MTHFS: variants seen among roughly 807,000 people sequenced by gnomAD.
MTHFS encodes 5-formyltetrahydrofolate cyclo-ligase.
MTHFS carries 7 observed loss-of-function variants against 12.7 expected under a neutral mutation model. The ratio of observed to expected loss-of-function variants is 0.55; its 90% CI spans 0.31 to 1.03. The LOEUF (loss-of-function observed/expected upper bound fraction) is 1.03. Ranked by LOEUF, MTHFS falls within the 50% of genes least tolerant of loss-of-function variation. The pLI is 0.05. For synonymous variants in MTHFS, 100 were observed against 97.1 expected (o/e 1.03, Z -0.18); for missense variants, 252 against 258.1 (o/e 0.98, Z 0.16).
chr15:79,874,681 G>T (rs547940993), intron 2 of MTHFS, among the ~76,000 whole-genome samples: 1 of 152,204 alleles, frequency 6.6e-6, no homozygotes, highest in South Asian at 2.1e-4. Flanking sequence ...GGAAAAACTG[G>T]GGAAGAAGAT....
chr15:79,896,075 T>C (rs1162494252), intron 1 of MTHFS, among the ~76,000 whole-genome samples: 1 of 152,204 alleles, frequency 6.6e-6, no homozygotes, highest in Non-Finnish European at 1.5e-5. Flanking sequence ...TAAAAATACA[T>C]AGCAGTGCAG....
chr15:79,846,767 G>C (rs1171170656), intron 2 of MTHFS, among the ~76,000 whole-genome samples: 1 of 152,218 alleles, frequency 6.6e-6, no homozygotes, highest in Non-Finnish European at 1.5e-5. Flanking sequence ...GGGATTGACA[G>C]TGGACTGTGA....
At chr15:79,861,094 G>A (rs1345348703) in intron 2 of MTHFS, among the ~76,000 whole-genome samples, 2 of 152,138 alleles carry the variant, frequency 1.3e-5, no homozygotes, top group East Asian at 1.9e-4. Context: ...TATATGCACT[G>A]GCATTGTACT....
intron 2 of MTHFS, among the ~76,000 whole-genome samples, chr15:79,880,543 G>A (rs959574941): frequency 2.6e-5 from 4 of 151,740 alleles, no homozygotes; most frequent in African/African-American, 9.7e-5. Flanking sequence ...ACTTTAAAAA[G>A]GATATTTAAG....
At position 79,882,124 on chromosome 15, in the gene MTHFS, C is replaced by T. The variant is rs949066173; in HGVS notation, c.379+6969G>A. ...AAAGTTCAAATACAATTAGTGAGAA[C>T]GATTTTTGTTAAGCTAAAGAAACAC... On this transcript the variant is annotated intron_variant, in intron 2 of 2. Coordinates refer to ENST00000258874, the MANE Select transcript of MTHFS (RefSeq NM_006441.4). Among the ~76,000 whole-genome samples the T allele has an allele frequency of 3.9e-5, 6 of 152,154 alleles. No homozygotes were observed. In the South Asian group the frequency reaches 6.2e-4, roughly 16 times the overall value.
At chr15:79,867,858 T>C (rs2034038921) in intron 2 of MTHFS, among the ~76,000 whole-genome samples, 1 of 152,162 alleles carries the variant, frequency 6.6e-6, no homozygotes, top group South Asian at 2.1e-4. Flanking sequence ...CTCCAGTCAA[T>C]ACAGAGACCT....
In MTHFS at chr15:79,875,656, C is replaced by T. The variant is rs571219994; in HGVS notation, c.379+13437G>A. 3.3e-5 allele frequency among the ~76,000 whole-genome samples: 5 copies of T among 152,146 alleles called. No individual in the cohort carries two copies. In the East Asian group the frequency reaches 9.6e-4, roughly 29 times the overall value. On this transcript the variant is annotated intron_variant, in intron 2 of 2. Coordinates refer to ENST00000258874, the MANE Select transcript of MTHFS (RefSeq NM_006441.4). ...AAACGGAGGCATAAATCTTCATGAC[C>T]TTGGATTAGGCAATGGTTTCTTAGC... is the stretch of plus-strand genomic sequence containing the variant.
At chr15:79,884,798 C>G (rs976012824) in intron 2 of MTHFS, among the ~76,000 whole-genome samples, 1 of 152,100 alleles carries the variant, frequency 6.6e-6, no homozygotes, top group Non-Finnish European at 1.5e-5. Flanking sequence ...GCTAAAAGTT[C>G]AATAAAAAGT....
intron 1 of MTHFS, 111 bp from the exon 2 acceptor site, chr15:79,889,465 G>C: frequency 0.01 from 5,775 of 563,130 alleles, no homozygotes; most frequent in Non-Finnish European, 0.014. Context: ...ATATTAAAAA[G>C]AAAAAAAAAG....
Position 79,869,232 on chromosome 15 carries a change from T to C in MTHFS, c.379+19861A>G, listed in dbSNP as rs567152105. On this transcript the variant is annotated intron_variant, in intron 2 of 2. Coordinates refer to ENST00000258874, the MANE Select transcript of MTHFS (RefSeq NM_006441.4). ...ACTTTGTTGTGGTATTTAATTACTA[T>C]TTTAAAAGTTAAATTCTATATCTCT... Among the ~76,000 whole-genome samples the C allele has an allele frequency of 6.5e-4, 99 of 152,350 alleles. 2 individuals carry two copies. Among genetic ancestry groups the C allele is most frequent in the Admixed American group, 9.8e-4 (15 of 15,306 alleles).
chr15:79,880,373 C>T (rs920322968), intron 2 of MTHFS, among the ~76,000 whole-genome samples: 3 of 152,044 alleles, frequency 2.0e-5, no homozygotes, highest in African/African-American at 7.2e-5. Flanking sequence ...AGCCACTGCG[C>T]CCGGCCTCTG....
chr15:79,896,264 C>G (rs1256542068), intron 1 of MTHFS, among the ~76,000 whole-genome samples: 1 of 152,224 alleles, frequency 6.6e-6, no homozygotes, highest in African/African-American at 2.4e-5. Flanking sequence ...ACAGGAAAAG[C>G]CTAGGCCCTG....
At chr15:79,865,642 G>A (rs916804565) in intron 2 of MTHFS, among the ~76,000 whole-genome samples, 1 of 152,164 alleles carries the variant, frequency 6.6e-6, no homozygotes, top group Non-Finnish European at 1.5e-5. Flanking sequence ...GACCACCTCA[G>A]CCCTCATCCC....
chr15:79,894,209 C>T (rs1446052966), intron 1 of MTHFS, among the ~76,000 whole-genome samples: 4 of 152,026 alleles, frequency 2.6e-5, no homozygotes, highest in African/African-American at 4.8e-5. Flanking sequence ...GGTGAAACCC[C>T]GTCTCTACTA....
At chr15:79,851,998 T>C (rs1015061960) in intron 2 of MTHFS, among the ~76,000 whole-genome samples, 4 of 152,172 alleles carry the variant, frequency 2.6e-5, no homozygotes, top group Non-Finnish European at 4.4e-5. Flanking sequence ...CATATTATGA[T>C]GTAAAGAGTC....
chr15:79,856,939 G>A (rs1356475865), intron 2 of MTHFS, among the ~76,000 whole-genome samples: 3 of 149,890 alleles, frequency 2.0e-5, no homozygotes, highest in Non-Finnish European at 3.0e-5. Context: ...GAAATACAAC[G>A]GTGTTTTGGA....
chr15:79,879,494 A>C (rs1279672035), intron 2 of MTHFS, among the ~76,000 whole-genome samples: 1 of 120,628 alleles, frequency 8.3e-6, no homozygotes, highest in South Asian at 3.2e-4. Context: ...TGCCCAGCTA[A>C]TTTTTTTCCT....
At chr15:79,871,786 C>T (rs141455960) in intron 2 of MTHFS, among the ~76,000 whole-genome samples, 115 of 152,124 alleles carry the variant, frequency 7.6e-4, no homozygotes, top group African/African-American at 2.7e-3. Context: ...AAATTAAATG[C>T]TGACTTCAAA....
At chr15:79,875,274 CAA>C (rs113946253) in intron 2 of MTHFS, among the ~76,000 whole-genome samples, 37 of 114,886 alleles carry the variant, frequency 3.2e-4, no homozygotes, top group African/African-American at 7.8e-4. Flanking sequence ...ACAAAAGCGA[CAA>C]AAAAAAAAAA....
Sources: gnomAD v4.1 joint callset for allele counts (sites outside exome capture counted in the v4.1 genomes callset) on GRCh38, gnomAD v4.1.1 for gene constraint, MANE v1.5 for transcripts, NCBI Gene and HGNC (gene_info 2026-07-23, HGNC 2026-07-21) for gene names.